SLC6A11: variants seen among roughly 807,000 people sequenced by gnomAD.
The protein encoded by SLC6A11 is solute carrier family 6 member 11, also known as sodium- and chloride-dependent GABA transporter 3.
A neutral mutation model predicts 74.8 loss-of-function variants in SLC6A11; 25 were observed. The observed-to-expected ratio is 0.33, with a 90% CI of 0.24 to 0.47. The LOEUF is 0.47. Among genes scored for constraint, SLC6A11 ranks in the 20% least tolerant of loss-of-function variants. The pLI, the probability that SLC6A11 is intolerant of heterozygous loss-of-function variation, is 1.00. For synonymous variants in SLC6A11, 330 were observed against 330.2 expected (o/e 1.00, Z 0.01); for missense variants, 574 against 837.0 (o/e 0.69, Z 3.88).
At chr3:10,934,411 G>A (rs1291190980) in intron 12 of SLC6A11, among the ~76,000 whole-genome samples, 2 of 152,188 alleles carry the variant, frequency 1.3e-5, no homozygotes. Context: ...TTCTCAGGAC[G>A]TCAGGTGCTG....
intron 13 of SLC6A11, chr3:10,935,444 C>T: frequency 2.0e-6 from 1 of 498,262 alleles, no homozygotes; most frequent in Non-Finnish European, 3.6e-6. Context: ...ATGGGATAAC[C>T]ACAGTACCTA....
At chr3:10,833,170 T>C (rs1243328078) in intron 4 of SLC6A11, among the ~76,000 whole-genome samples, 17 of 152,282 alleles carry the variant, frequency 1.1e-4, no homozygotes, top group Middle Eastern at 3.4e-3. Flanking sequence ...CAACCAATTC[T>C]CCCACCTCAA....
At chr3:10,846,763 A>G (rs912550827) in intron 5 of SLC6A11, among the ~76,000 whole-genome samples, 1 of 152,108 alleles carries the variant, frequency 6.6e-6, no homozygotes, top group Non-Finnish European at 1.5e-5. Context: ...AGATCCTTAC[A>G]ATCTGGGGAG....
intron 5 of SLC6A11, among the ~76,000 whole-genome samples, chr3:10,860,192 T>G (rs1694686747): frequency 6.6e-6 from 1 of 152,214 alleles, no homozygotes. Flanking sequence ...TAAAAGACAT[T>G]CTAAATCTCA....
intron 6 of SLC6A11, among the ~76,000 whole-genome samples, chr3:10,881,955 G>A (rs1694986802): frequency 6.6e-6 from 1 of 152,312 alleles, no homozygotes; most frequent in South Asian, 2.1e-4. Context: ...GCGTCTGACT[G>A]GTACAAAGCT....
At chr3:10,920,065 C>T (rs1181450717) in intron 8 of SLC6A11, among the ~76,000 whole-genome samples, 3 of 152,224 alleles carry the variant, frequency 2.0e-5, no homozygotes, top group Non-Finnish European at 4.4e-5. Flanking sequence ...AGTAGCATTG[C>T]TTCTGTGAGA....
intron 6 of SLC6A11, among the ~76,000 whole-genome samples, chr3:10,890,370 A>G (rs1353315925): frequency 1.3e-5 from 2 of 152,216 alleles, no homozygotes. Flanking sequence ...GACCTGAACC[A>G]TGGCCACAGT....
intron 4 of SLC6A11, among the ~76,000 whole-genome samples, chr3:10,826,839 C>G (rs1694216401): frequency 6.6e-6 from 1 of 152,242 alleles, no homozygotes; most frequent in African/African-American, 2.4e-5. Context: ...ATTATCCATT[C>G]ATTTGAACAC....
intron 6 of SLC6A11, among the ~76,000 whole-genome samples, chr3:10,880,495 C>G (rs1365507325): frequency 6.6e-6 from 1 of 152,094 alleles, no homozygotes; most frequent in African/African-American, 2.4e-5. Context: ...GACTCTATAG[C>G]CAGTAAAATC....
chr3:10,926,645 G>C lies in SLC6A11; in HGVS notation c.1233+529G>C, dbSNP rs1284992487. The stretch of plus-strand genomic sequence containing the variant: ...CTGTCTCTGTGCTCGGCCCTCCCTA[G>C]AGGCCCCTTGCCAACCTCCCCCTGC... On this transcript the variant is annotated intron_variant, in intron 9 of 13. Transcript: ENST00000254488. The surrounding 1 kb of genome is among the most constrained non-coding windows in gnomAD (Gnocchi z 5.7). Among the ~76,000 whole-genome samples the C allele has an allele frequency of 1.3e-5, 2 of 152,078 alleles. No homozygotes were observed. Among genetic ancestry groups the C allele is most frequent in the South Asian group, 4.1e-4 (2 of 4,822 alleles).
At chr3:10,840,524 G>A (rs1694424177) in intron 4 of SLC6A11, among the ~76,000 whole-genome samples, 1 of 152,170 alleles carries the variant, frequency 6.6e-6, no homozygotes, top group Admixed American at 6.5e-5. Context: ...TCTGTGTCTG[G>A]CACACTGATG....
At chr3:10,819,149 A>T (rs980956574) in intron 1 of SLC6A11, among the ~76,000 whole-genome samples, 7 of 152,112 alleles carry the variant, frequency 4.6e-5, no homozygotes, top group South Asian at 4.1e-4. Context: ...AATGTAAAAA[A>T]TTTTTTTTAA....
intron 4 of SLC6A11, among the ~76,000 whole-genome samples, chr3:10,842,508 G>A (rs1014463423): frequency 6.6e-6 from 1 of 152,188 alleles, no homozygotes; most frequent in Non-Finnish European, 1.5e-5. Context: ...AATAAGGCCT[G>A]TAGTTTTAAA....
intron 4 of SLC6A11, among the ~76,000 whole-genome samples, chr3:10,839,444 G>A (rs1206176631): frequency 2.6e-5 from 4 of 152,188 alleles, no homozygotes; most frequent in Non-Finnish European, 2.9e-5. Context: ...GCGTTTGCAG[G>A]TCGGCTACTT....
intron 6 of SLC6A11, among the ~76,000 whole-genome samples, chr3:10,911,514 C>T (rs898567512): frequency 2.0e-5 from 3 of 152,142 alleles, no homozygotes; most frequent in South Asian, 2.1e-4. Flanking sequence ...TGGTGGGCCT[C>T]CCTCACTCCT....
chr3:10,891,465 CAGT>C (rs1427125650), intron 6 of SLC6A11, among the ~76,000 whole-genome samples: 4 of 152,284 alleles, frequency 2.6e-5, no homozygotes, highest in Admixed American at 6.5e-5. Flanking sequence ...AATCATGTGT[CAGT>C]GGTGGTGATT....
chr3:10,847,199 G>A (rs190761924), intron 5 of SLC6A11, among the ~76,000 whole-genome samples: 8 of 152,168 alleles, frequency 5.3e-5, no homozygotes, highest in Admixed American at 4.6e-4. Flanking sequence ...GCAGAAGATT[G>A]GGATTAACTT....
At chr3:10,886,477 T>C (rs1575689593) in intron 6 of SLC6A11, among the ~76,000 whole-genome samples, 1 of 152,096 alleles carries the variant, frequency 6.6e-6, no homozygotes, top group East Asian at 1.9e-4. Context: ...AGATCTCAGC[T>C]CCAAAGTCAG....
Position 10,857,788 on chromosome 3 carries a change from C to T in SLC6A11, c.756+13442C>T, listed in dbSNP as rs58626956. On this transcript the variant is annotated intron_variant, in intron 5 of 13. Coordinates refer to ENST00000254488, the MANE Select transcript of SLC6A11 (RefSeq NM_014229.3). ...GCTTTTGTCACCCTGAAACGCAACT[C>T]ATAAATAATCTGCCTGCACAGATAA... 4.6e-5 allele frequency among the ~76,000 whole-genome samples: 7 copies of T among 152,240 alleles called. No individual in the cohort carries two copies. In the East Asian group the frequency reaches 1.4e-3, roughly 29 times the overall value.
Sources: gnomAD v4.1 joint callset for allele counts (sites outside exome capture counted in the v4.1 genomes callset) on GRCh38, gnomAD v4.1.1 for gene constraint, Gnocchi (gnomAD v3.1) non-coding constraint, MANE v1.5 for transcripts, NCBI Gene and HGNC (gene_info 2026-07-23, HGNC 2026-07-21) for gene names.